Variants in SAXO5 observed in about 807,000 individuals in gnomAD.
SAXO5 encodes the protein stabilizer of axonemal microtubules 5.
At chr19:7,503,701 T>A in the SAXO5 span, among the ~76,000 whole-genome samples, 1 of 152,144 alleles carries the variant, frequency 6.6e-6, no homozygotes, top group Non-Finnish European at 1.5e-5. Context: ...ATCAGGCTGG[T>A]CTTGAACTCC....
At chr19:7,500,752 A>AG in the SAXO5 span, 5 of 1,236,394 alleles carry the variant, frequency 4.0e-6, no homozygotes, top group East Asian at 1.2e-4. Context: ...CAGGAGTCAA[A>AG]GGCAAGTGCC....
chr19:7,504,124 G>A, the SAXO5 span: 1 of 1,610,730 alleles, frequency 6.2e-7, no homozygotes, highest in Non-Finnish European at 8.5e-7. Flanking sequence ...TCCTAAGGGG[G>A]CCCCAACACC....
At chr19:7,498,121 A>G in the SAXO5 span, among the ~76,000 whole-genome samples, 1 of 149,784 alleles carries the variant, frequency 6.7e-6, no homozygotes, top group Non-Finnish European at 1.5e-5. Flanking sequence ...AAAAGCAACA[A>G]ACTTACACAC....
the SAXO5 span, among the ~76,000 whole-genome samples, chr19:7,498,164 C>T: frequency 2.3e-3 from 239 of 104,726 alleles, no homozygotes; most frequent in Non-Finnish European, 3.4e-3. Context: ...AACACACACA[C>T]ACACATACAC....
chr19:7,508,403 T>C, the SAXO5 span: 8 of 1,612,332 alleles, frequency 5.0e-6, no homozygotes, highest in Admixed American at 1.3e-4. Flanking sequence ...CCCAGCCCCC[T>C]ATGTACCTGT....
chr19:7,500,821 C>T, the SAXO5 span: 10 of 1,471,786 alleles, frequency 6.8e-6, no homozygotes, highest in Non-Finnish European at 9.0e-6. Flanking sequence ...TGGTGTCCCG[C>T]GATGGCCACA....
the SAXO5 span, among the ~76,000 whole-genome samples, chr19:7,507,387 A>C: frequency 0.015 from 2,349 of 152,268 alleles, 165 homozygotes; most frequent in Admixed American, 0.12. Context: ...GTTCGAGACC[A>C]GCCTGGCCAA....
At chr19:7,501,630 TG>T in the SAXO5 span, among the ~76,000 whole-genome samples, 1 of 151,290 alleles carries the variant, frequency 6.6e-6, no homozygotes, top group Admixed American at 6.6e-5. Context: ...GAGACCAGCC[TG>T]GCCAATATGG....
At chr19:7,506,260 C>T in the SAXO5 span, 8 of 1,058,576 alleles carry the variant, frequency 7.6e-6, no homozygotes, top group Non-Finnish European at 1.1e-5. Flanking sequence ...CCCCATGGAG[C>T]CCCGCCCCCA....
At chr19:7,506,992 A>C in the SAXO5 span, 17 of 1,380,514 alleles carry the variant, frequency 1.2e-5, no homozygotes, top group Non-Finnish European at 1.1e-5. Flanking sequence ...CTTGAACTTC[A>C]CCACACCCTC....
the SAXO5 span, chr19:7,505,467 T>C: frequency 1.9e-6 from 3 of 1,613,174 alleles, no homozygotes; most frequent in Non-Finnish European, 1.7e-6. Context: ...CCGTCCCGCC[T>C]CCCACCGCAG....
chr19:7,500,470 T>A, the SAXO5 span, among the ~76,000 whole-genome samples: 1 of 151,336 alleles, frequency 6.6e-6, no homozygotes, highest in Non-Finnish European at 1.5e-5. Flanking sequence ...CCAGGCTAAT[T>A]TTTTTTAAAA....
chr19:7,501,082 C>A, the SAXO5 span: 1 of 1,499,576 alleles, frequency 6.7e-7, no homozygotes, highest in Non-Finnish European at 8.8e-7. Context: ...CGCGCGTTCC[C>A]GCCGCCATCC....
chr19:7,506,209 G>GAGCCCCGCCCCGT, the SAXO5 span: 4 of 1,272,618 alleles, frequency 3.1e-6, no homozygotes, highest in South Asian at 1.5e-5. Context: ...CCCCGCCCCG[G>GAGCCCCGCCCCGT]GAAGCCCCAC....
chr19:7,508,153 G>A, the SAXO5 span: 3 of 1,489,658 alleles, frequency 2.0e-6, no homozygotes, highest in Non-Finnish European at 2.8e-6. Flanking sequence ...TGGACAGGGT[G>A]GATCGGCCAC....
chr19:7,508,123 C>A, the SAXO5 span: 1 of 1,200,104 alleles, frequency 8.3e-7, no homozygotes, highest in Non-Finnish European at 1.2e-6. Context: ...CCTGACTCAT[C>A]AGGCCTGGAG....
At chr19:7,505,015 G>A in the SAXO5 span, among the ~76,000 whole-genome samples, 5 of 138,658 alleles carry the variant, frequency 3.6e-5, no homozygotes, top group Admixed American at 2.4e-4. Flanking sequence ...ACGTAGTCTC[G>A]CTCTGTTGCC....
chr19:7,505,651 G>T, the SAXO5 span: 1 of 1,604,782 alleles, frequency 6.2e-7, no homozygotes, highest in East Asian at 2.2e-5. Flanking sequence ...CGAAAAGGCG[G>T]CAGGGAAAAG....
chr19:7,497,684 T>C, the SAXO5 span: 1 of 152,164 alleles, frequency 6.6e-6, no homozygotes, highest in African/African-American at 2.4e-5. Context: ...TCCCTTGAGG[T>C]AGGTGCACTG....
Sources: gnomAD v4.1 joint callset for allele counts (sites outside exome capture counted in the v4.1 genomes callset) on GRCh38, gnomAD v4.1.1 for gene constraint, MANE v1.5 for transcripts, NCBI Gene and HGNC (gene_info 2026-07-23, HGNC 2026-07-21) for gene names.